TLN2: variants seen among roughly 807,000 people sequenced by gnomAD.
TLN2 encodes talin-2.
In TLN2, 118 loss-of-function variants were observed where a neutral mutation model predicts 294.7. The observed-to-expected ratio is 0.40, with a 90% CI of 0.34 to 0.47. The LOEUF (loss-of-function observed/expected upper bound fraction) is 0.47. TLN2 is among the 20% of genes least tolerant of loss of function. The pLI is 0.84. For missense variants in TLN2, 3,083 were observed against 3,282.2 expected, an observed-to-expected ratio of 0.94 and a Z score of 1.48; for synonymous variants, 1,431 against 1,304.5, an observed-to-expected ratio of 1.10 and a Z score of -2.09.
At chr15:62,557,251 A>G (rs1255040050) in intron 1 of TLN2, among the ~76,000 whole-genome samples, 3 of 152,218 alleles carry the variant, frequency 2.0e-5, no homozygotes, top group Admixed American at 2.0e-4. Context: ...CTCCAGAAGT[A>G]GATGGAGCCA....
At chr15:62,518,125 G>A (rs1287245412) in intron 1 of TLN2, among the ~76,000 whole-genome samples, 2 of 151,616 alleles carry the variant, frequency 1.3e-5, no homozygotes, top group South Asian at 2.1e-4. Context: ...TGCAACCTCC[G>A]CCTCCTGGGT....
intron 1 of TLN2, among the ~76,000 whole-genome samples, chr15:62,495,782 T>A (rs193253462): frequency 1.6e-4 from 25 of 152,288 alleles, no homozygotes; most frequent in Admixed American, 5.9e-4. Context: ...TTCCACTTGA[T>A]CCCTTTTATT....
chr15:62,660,894 C>A (rs1362294040), intron 9 of TLN2, among the ~76,000 whole-genome samples: 1 of 152,120 alleles, frequency 6.6e-6, no homozygotes, highest in South Asian at 2.1e-4. Context: ...TGGCTCTGAT[C>A]ATCTCAACAA....
At chr15:62,709,825 C>T (rs1255176841) in intron 21 of TLN2, among the ~76,000 whole-genome samples, 1 of 151,970 alleles carries the variant, frequency 6.6e-6, no homozygotes, top group African/African-American at 2.4e-5. Flanking sequence ...ACCTCCACCT[C>T]CCAGGTTCGA....
chr15:62,413,659 A>T (rs1195072600), intron 1 of TLN2, among the ~76,000 whole-genome samples: 1 of 152,220 alleles, frequency 6.6e-6, no homozygotes, highest in South Asian at 2.1e-4. Context: ...ACAGGTGCAC[A>T]TTAAGTTTTT....
chr15:62,715,414 C>A (rs1216364917), intron 22 of TLN2, among the ~76,000 whole-genome samples: 3 of 152,156 alleles, frequency 2.0e-5, no homozygotes, highest in Non-Finnish European at 2.9e-5. Context: ...AGCATTCAGG[C>A]CCTGGTGAGG....
At chr15:62,616,466 TCA>T (rs2048324107) in intron 2 of TLN2, among the ~76,000 whole-genome samples, 1 of 152,202 alleles carries the variant, frequency 6.6e-6, no homozygotes, top group Non-Finnish European at 1.5e-5. Context: ...TCTTGCCCTG[TCA>T]CCCAGTCAGG....
intron 1 of TLN2, among the ~76,000 whole-genome samples, chr15:62,442,700 C>A (rs942411728): frequency 6.6e-6 from 1 of 151,768 alleles, no homozygotes; most frequent in South Asian, 2.1e-4. Context: ...ATTTTAATAC[C>A]CAACCTTCAA....
chr15:62,686,846 A>G, intron 12 of TLN2, 50 bp downstream of exon 12: 1 of 1,601,816 alleles, frequency 6.2e-7, no homozygotes, highest in East Asian at 2.2e-5. Context: ...CTTGAGTGAT[A>G]TTGTGGGGAC....
intron 1 of TLN2, among the ~76,000 whole-genome samples, chr15:62,419,223 T>C (rs1267142485): frequency 2.0e-5 from 3 of 152,248 alleles, no homozygotes; most frequent in Non-Finnish European, 4.4e-5. Flanking sequence ...TTTAGATATA[T>C]TGAGTTAAAT....
At position 62,650,090 on chromosome 15, in the gene TLN2, A is replaced by T; in HGVS notation, c.143A>T (p.Asp48Val). ...CTTCCCATTTATATTTCAGCTTCTG[A>T]CTATGGACTCTTTCTTTCGGATGAA... is the stretch of plus-strand genomic sequence containing the variant. The part of the protein sequence containing the change: ...VPEAQTGQAS[D>V]YGLFLSDEDP... The change falls in exon 5 of 59, where the codon GAC (aspartate) becomes GTC (valine). Residue 48 changes from aspartate to valine, a missense_variant. Coordinates refer to ENST00000636159, the MANE Select transcript of TLN2 (RefSeq NM_015059.3). The T allele has an allele frequency of 1.2e-6, 2 of 1,613,998 alleles. No individual in the cohort carries two copies. Among genetic ancestry groups the T allele is most frequent in the Non-Finnish European group, 1.7e-6 (2 of 1,179,968 alleles).
At chr15:62,696,504 C>T (rs1261473627) in intron 14 of TLN2, among the ~76,000 whole-genome samples, 2 of 152,240 alleles carry the variant, frequency 1.3e-5, no homozygotes, top group African/African-American at 2.4e-5. Context: ...GTCAGGAGTT[C>T]AAGACCAGCC....
chr15:62,701,266 T>G (rs763588826), intron 17 of TLN2, 52 bp downstream of exon 17: 11 of 964,378 alleles, frequency 1.1e-5, no homozygotes, highest in Admixed American at 2.9e-5. Flanking sequence ...AAAAGCTGTG[T>G]TTTTTTTTTT....
In TLN2 at chr15:62,603,053, C is replaced by T. The variant is rs147038237; in HGVS notation, c.-162+13291C>T. 3.6e-4 allele frequency among the ~76,000 whole-genome samples: 54 copies of T among 152,060 alleles called. No homozygotes were observed. The East Asian group carries it at 8.7e-3, about 25-fold the overall frequency. ...GACTACAAGCGCCAGCCACCACGCC[C>T]GGCTAATTTTTTGCATTTTTAGTAG... On this transcript the variant is annotated intron_variant, in intron 2 of 58. Transcript: ENST00000636159.
chr15:62,789,705 C>T (rs1003103327), intron 45 of TLN2, among the ~76,000 whole-genome samples: 1 of 152,160 alleles, frequency 6.6e-6, no homozygotes, highest in East Asian at 1.9e-4. Flanking sequence ...AAATAGAAAG[C>T]TCAGGCTGGA....
chr15:62,534,953 GCATGCGACTTCCGGGAAGTC>G (rs2041253517), intron 1 of TLN2, among the ~76,000 whole-genome samples: 2 of 152,212 alleles, frequency 1.3e-5, no homozygotes, highest in African/African-American at 4.8e-5. Context: ...CCCCTAAGTG[GCATGCGACTTCCGGGAAGTC>G]CTGCAGCTCT....
chr15:62,614,952 C>T (rs1327245009), intron 2 of TLN2, among the ~76,000 whole-genome samples: 15 of 152,096 alleles, frequency 9.9e-5, no homozygotes, highest in Non-Finnish European at 1.5e-5. Context: ...AATATAGGTG[C>T]TCACCACCAC....
chr15:62,792,169 A>G (rs765243137), intron 45 of TLN2, among the ~76,000 whole-genome samples: 4 of 152,224 alleles, frequency 2.6e-5, no homozygotes, highest in Non-Finnish European at 4.4e-5. Context: ...AATATGCTTA[A>G]TACGGAAACC....
chr15:62,806,335 T>C (rs1395337304), intron 51 of TLN2, among the ~76,000 whole-genome samples: 2 of 152,214 alleles, frequency 1.3e-5, no homozygotes, highest in Non-Finnish European at 2.9e-5. Context: ...TCTTCCTAAA[T>C]AGGCAGGAAG....
Sources: gnomAD v4.1 joint callset for allele counts (sites outside exome capture counted in the v4.1 genomes callset) on GRCh38, gnomAD v4.1.1 for gene constraint, MANE v1.5 for transcripts, NCBI Gene and HGNC (gene_info 2026-07-23, HGNC 2026-07-21) for gene names.